The following PPP2R2B variants were observed in gnomAD, a reference collection of about 807,000 sequenced individuals.
The protein encoded by PPP2R2B is protein phosphatase 2 regulatory subunit Bbeta.
A neutral mutation model predicts 46.0 loss-of-function variants in PPP2R2B; 5 were observed. That is an observed-to-expected ratio of 0.11 (90% CI 0.06 to 0.23). PPP2R2B has a LOEUF of 0.23. PPP2R2B is among the 10% of genes least tolerant of loss of function. The probability of loss-of-function intolerance (pLI) is 1.00; values close to 1 mark genes in which losing one functional copy is unlikely to be tolerated. For missense variants in PPP2R2B, 367 were observed against 575.0 expected (o/e 0.64, Z 3.70); for synonymous variants, 215 against 206.7 (o/e 1.04, Z -0.34).
intron 6 of PPP2R2B, among the ~76,000 whole-genome samples, chr5:146,639,617 T>TA (rs1775061181): frequency 6.6e-6 from 1 of 152,156 alleles, no homozygotes; most frequent in East Asian, 1.9e-4. Context: ...TGGATGCTGT[T>TA]ACACAGTAAA....
At chr5:146,733,558 GAGA>G (rs1317066072) in intron 2 of PPP2R2B, among the ~76,000 whole-genome samples, 1 of 152,206 alleles carries the variant, frequency 6.6e-6, no homozygotes, top group Non-Finnish European at 1.5e-5. Context: ...AGACTAGAGA[GAGA>G]AGATGACAGG....
rs907631845 is a variant in PPP2R2B at position 146,588,033 on chromosome 5, A to C, written c.*1914T>G. ...GCCTTCTGCAAAATCATCACTCTCT[A>C]TGACTGGCAGAAGTTTCTGACTCTC... On this transcript the variant is annotated 3_prime_UTR_variant, in exon 10 of 10. Transcript: ENST00000394411. The C allele has an allele frequency of 5.3e-5, 8 of 152,166 alleles. No individual in the cohort carries two copies. The highest frequency in any genetic ancestry group is 1.2e-4 in the Non-Finnish European group (8 of 68,028). 9.4% of individuals were successfully genotyped at this position (152,166 alleles called of 1,614,324 possible).
chr5:146,878,899 G>T, upstream of PPP2R2B: 12 of 1,151,834 alleles, frequency 1.0e-5, no homozygotes, highest in Non-Finnish European at 1.2e-5. The surrounding 1 kb of genome is among the most constrained non-coding windows in gnomAD (Gnocchi z 4.5). Context: ...GCATGCAGCC[G>T]CGAATCGGCA....
chr5:146,763,322 T>G (rs1193317194), intron 2 of PPP2R2B, among the ~76,000 whole-genome samples: 3 of 152,156 alleles, frequency 2.0e-5, no homozygotes, highest in Non-Finnish European at 4.4e-5. Context: ...GCGTATAGGA[T>G]AGAAATAACG....
chr5:147,001,164 G>C (rs1754152758), intron 1 of PPP2R2B, among the ~76,000 whole-genome samples: 1 of 152,144 alleles, frequency 6.6e-6, no homozygotes, highest in Admixed American at 6.5e-5. Context: ...ACCAGGGTGG[G>C]TGGGGCCAAA....
chr5:146,762,346 A>G (rs1460742240), intron 2 of PPP2R2B, among the ~76,000 whole-genome samples: 1 of 152,194 alleles, frequency 6.6e-6, no homozygotes, highest in Non-Finnish European at 1.5e-5. Flanking sequence ...CAGTTTCCCC[A>G]TCTATTAAAT....
At chr5:146,879,009 T>C, upstream of PPP2R2B, 1 of 910,022 alleles carries the variant, frequency 1.1e-6, no homozygotes, top group East Asian at 6.4e-5. Context: ...GGGCCACGTC[T>C]ACGCTAGCAC....
chr5:146,634,581 C>T (rs1040717962), intron 7 of PPP2R2B, among the ~76,000 whole-genome samples: 7 of 151,994 alleles, frequency 4.6e-5, no homozygotes, highest in East Asian at 1.9e-4. Context: ...GTGATCTGCC[C>T]GCCTCAGCCT....
chr5:146,998,853 G>A (rs1252689738), intron 1 of PPP2R2B, among the ~76,000 whole-genome samples: 1 of 151,778 alleles, frequency 6.6e-6, no homozygotes, highest in African/African-American at 2.4e-5. Flanking sequence ...AAAAACCACT[G>A]ATTCGGTGTT....
chr5:146,725,290 A>G (rs1416696560), intron 2 of PPP2R2B, among the ~76,000 whole-genome samples: 1 of 152,118 alleles, frequency 6.6e-6, no homozygotes, highest in African/African-American at 2.4e-5. Flanking sequence ...TGCAGATTAG[A>G]TTTGATTTCC....
chr5:146,705,663 G>A (rs1485623616), intron 2 of PPP2R2B, among the ~76,000 whole-genome samples: 1 of 152,054 alleles, frequency 6.6e-6, no homozygotes, highest in African/African-American at 2.4e-5. Flanking sequence ...TCTCTGATAA[G>A]GTTTACTTTA....
At chr5:146,955,016 A>G (rs1191126122) in intron 1 of PPP2R2B, among the ~76,000 whole-genome samples, 1 of 152,132 alleles carries the variant, frequency 6.6e-6, no homozygotes, top group Non-Finnish European at 1.5e-5. Flanking sequence ...GGTCCTCCCA[A>G]GTAGGTATAA....
intron 2 of PPP2R2B, among the ~76,000 whole-genome samples, chr5:146,736,113 A>C (rs1360015858): frequency 6.6e-6 from 1 of 152,050 alleles, no homozygotes; most frequent in Non-Finnish European, 1.5e-5. Flanking sequence ...ATGAGATCTG[A>C]TGGTTTCATA....
At chr5:146,941,611 C>T in intron 1 of PPP2R2B, among the ~76,000 whole-genome samples, 1 of 152,118 alleles carries the variant, frequency 6.6e-6, no homozygotes, top group South Asian at 2.1e-4. Flanking sequence ...CTGATAGAAC[C>T]TTTCCACTTC....
chr5:146,889,583 T>G (rs1350095595), intron 1 of PPP2R2B, among the ~76,000 whole-genome samples: 2 of 152,174 alleles, frequency 1.3e-5, no homozygotes, highest in Admixed American at 1.3e-4. Context: ...AGGAGGGTAA[T>G]GCATCCAACA....
intron 2 of PPP2R2B, chr5:146,856,400 T>G (rs975163062): frequency 1.1e-6 from 1 of 877,796 alleles, no homozygotes; most frequent in African/African-American, 1.7e-5. Context: ...GTAAATTAAC[T>G]TGTGTCCCAC....
intron 4 of PPP2R2B, among the ~76,000 whole-genome samples, chr5:146,693,444 G>T (rs1482670510): frequency 2.0e-5 from 3 of 151,756 alleles, no homozygotes; most frequent in East Asian, 3.9e-4. Context: ...CAAACTCCCA[G>T]GCTCAAGCAG....
chr5:146,998,325 C>T (rs1484084834), intron 1 of PPP2R2B, among the ~76,000 whole-genome samples: 1 of 152,172 alleles, frequency 6.6e-6, no homozygotes, highest in Non-Finnish European at 1.5e-5. Context: ...ATCGTCTTTG[C>T]AGCTGGGAGA....
intron 2 of PPP2R2B, among the ~76,000 whole-genome samples, chr5:146,777,866 C>T (rs1755281782): frequency 6.6e-6 from 1 of 152,072 alleles, no homozygotes; most frequent in Non-Finnish European, 1.5e-5. Flanking sequence ...CATATTAATC[C>T]ATGTCTATAA....
Sources: gnomAD v4.1 joint callset for allele counts (sites outside exome capture counted in the v4.1 genomes callset) on GRCh38, gnomAD v4.1.1 for gene constraint, Gnocchi (gnomAD v3.1) non-coding constraint, MANE v1.5 for transcripts, NCBI Gene and HGNC (gene_info 2026-07-23, HGNC 2026-07-21) for gene names.